The following VPS13B variants were observed in gnomAD, a reference collection of about 807,000 sequenced individuals.
VPS13B encodes the protein vacuolar protein sorting 13 homolog B.
A neutral mutation model predicts 426.4 loss-of-function variants in VPS13B; 285 were observed. The ratio of observed to expected loss-of-function variants is 0.67; its 90% confidence interval spans 0.61 to 0.74. The LOEUF (loss-of-function observed/expected upper bound fraction) is 0.74, where lower values mean the gene tolerates loss of function less well. Among genes scored for constraint, VPS13B ranks in the 30% least tolerant of loss-of-function variants. VPS13B has a pLI of 0.00. For synonymous variants in VPS13B, 1,676 were observed against 1,676.4 expected, an observed-to-expected ratio of 1.00 and a Z score of 0.01; for missense variants, 4,537 against 4,782.6, an observed-to-expected ratio of 0.95 and a Z score of 1.51.
intron 29 of VPS13B, among the ~76,000 whole-genome samples, chr8:99,517,356 C>T (rs1822138629): frequency 6.6e-6 from 1 of 152,096 alleles, no homozygotes; most frequent in Non-Finnish European, 1.5e-5. Context: ...TGTTTATAGC[C>T]TTTTCATATG....
chr8:99,418,472 TTTCTTTC>T (rs1238176298), intron 21 of VPS13B, among the ~76,000 whole-genome samples: 4 of 139,146 alleles, frequency 2.9e-5, no homozygotes, highest in Admixed American at 7.0e-5. Context: ...TCTTTCTTTC[TTTCTTTC>T]TTTCTTTCTT....
intron 8 of VPS13B, among the ~76,000 whole-genome samples, chr8:99,132,147 T>G (rs1023614625): frequency 1.3e-5 from 2 of 151,742 alleles, no homozygotes; most frequent in African/African-American, 4.9e-5. Flanking sequence ...TCCACCTGAC[T>G]TGGCCTCCCA....
chr8:99,348,912 T>C (rs1370411488), intron 19 of VPS13B, among the ~76,000 whole-genome samples: 3 of 152,184 alleles, frequency 2.0e-5, no homozygotes, highest in Non-Finnish European at 4.4e-5. Context: ...ATTGCCCACT[T>C]TGAATATTAT....
At chr8:99,067,448 A>G (rs1275517794) in intron 3 of VPS13B, among the ~76,000 whole-genome samples, 1 of 152,130 alleles carries the variant, frequency 6.6e-6, no homozygotes, top group African/African-American at 2.4e-5. Flanking sequence ...AACAATGAGA[A>G]CACTTGGACA....
chr8:99,318,103 T>C (rs1809771094), intron 19 of VPS13B, among the ~76,000 whole-genome samples: 1 of 152,200 alleles, frequency 6.6e-6, no homozygotes, highest in Non-Finnish European at 1.5e-5. Context: ...TTGCCCTAAT[T>C]TACTGCCTTT....
intron 35 of VPS13B, among the ~76,000 whole-genome samples, chr8:99,689,783 G>A (rs954978590): frequency 2.0e-5 from 3 of 152,204 alleles, no homozygotes; most frequent in Non-Finnish European, 2.9e-5. Context: ...CCTCTCTATG[G>A]ATGCTTTGCC....
chr8:99,303,996 CAG>C (rs1457788358), intron 19 of VPS13B, among the ~76,000 whole-genome samples: 1 of 152,010 alleles, frequency 6.6e-6, no homozygotes, highest in Non-Finnish European at 1.5e-5. Context: ...TCATTTATGA[CAG>C]ATTTTATAGT....
intron 16 of VPS13B, among the ~76,000 whole-genome samples, chr8:99,188,350 G>A (rs1456160314): frequency 6.6e-6 from 1 of 152,004 alleles, no homozygotes; most frequent in Non-Finnish European, 1.5e-5. Context: ...TTTTTGGTCT[G>A]ACTTCTTTCA....
chr8:99,250,841 G>T (rs1817468591), intron 17 of VPS13B, among the ~76,000 whole-genome samples: 1 of 150,936 alleles, frequency 6.6e-6, no homozygotes, highest in South Asian at 2.1e-4. Flanking sequence ...AATAATCTTT[G>T]ATTTCTTTCA....
At chr8:99,729,657 A>G (rs546816367) in intron 39 of VPS13B, among the ~76,000 whole-genome samples, 7 of 152,290 alleles carry the variant, frequency 4.6e-5, no homozygotes, top group African/African-American at 1.7e-4. Context: ...TTTTTTTGAA[A>G]TTGAGTTTAC....
At chr8:99,164,612 C>G (rs1229381837) in intron 15 of VPS13B, among the ~76,000 whole-genome samples, 3 of 152,214 alleles carry the variant, frequency 2.0e-5, no homozygotes, top group Admixed American at 6.5e-5. Flanking sequence ...GTAGAATATG[C>G]CTTGGCTGGG....
At chr8:99,724,581 A>G (rs1286609456) in intron 39 of VPS13B, among the ~76,000 whole-genome samples, 1 of 152,020 alleles carries the variant, frequency 6.6e-6, no homozygotes, top group Non-Finnish European at 1.5e-5. Context: ...TCCTCAACTG[A>G]ACATTGGAGT....
At chr8:99,095,935 G>C (rs1846390245) in intron 3 of VPS13B, among the ~76,000 whole-genome samples, 1 of 152,138 alleles carries the variant, frequency 6.6e-6, no homozygotes, top group East Asian at 1.9e-4. Context: ...ACAACAAATG[G>C]GGAAAAATTA....
intron 19 of VPS13B, among the ~76,000 whole-genome samples, chr8:99,277,961 A>G (rs1818981665): frequency 6.6e-6 from 1 of 152,254 alleles, no homozygotes; most frequent in Admixed American, 6.5e-5. Context: ...GAATAGAGAC[A>G]GGAATCTTTC....
At chr8:99,195,535 C>T (rs976090488) in intron 17 of VPS13B, among the ~76,000 whole-genome samples, 5 of 152,178 alleles carry the variant, frequency 3.3e-5, no homozygotes, top group African/African-American at 1.2e-4. Context: ...GTTCTTCCTT[C>T]ATTCTGTTAA....
At chr8:99,373,702 AT>A (rs1372027775) in intron 19 of VPS13B, among the ~76,000 whole-genome samples, 1 of 152,184 alleles carries the variant, frequency 6.6e-6, no homozygotes, top group Non-Finnish European at 1.5e-5. Flanking sequence ...TGCAAAAAAT[AT>A]AAAATAAAAA....
At chr8:99,222,547 A>G (rs936542137) in intron 17 of VPS13B, among the ~76,000 whole-genome samples, 5 of 152,198 alleles carry the variant, frequency 3.3e-5, no homozygotes, top group African/African-American at 7.2e-5. Flanking sequence ...AGGGTTTTCT[A>G]ATTCTGTAAA....
intron 49 of VPS13B, 46 bp from the exon 50 acceptor site, chr8:99,821,248 T>A (rs1814354180): frequency 1.9e-6 from 3 of 1,597,942 alleles, no homozygotes; most frequent in Non-Finnish European, 2.6e-6. Flanking sequence ...GTAAAAAATA[T>A]CAAAGGTAAG....
intron 2 of VPS13B, among the ~76,000 whole-genome samples, chr8:99,021,422 A>G (rs1587923182): frequency 6.6e-6 from 1 of 152,110 alleles, no homozygotes; most frequent in South Asian, 2.1e-4. Context: ...GGAGTTCGAG[A>G]CCAGCCTGAC....
Sources: gnomAD v4.1 joint callset for allele counts (sites outside exome capture counted in the v4.1 genomes callset) on GRCh38, gnomAD v4.1.1 for gene constraint, MANE v1.5 for transcripts, NCBI Gene and HGNC (gene_info 2026-07-23, HGNC 2026-07-21) for gene names.